The following ANKRD31 variants were observed in gnomAD, a reference collection of about 807,000 sequenced individuals.
ANKRD31 encodes the protein ankyrin repeat domain 31.
Under a neutral mutation model 186.0 loss-of-function variants are expected in ANKRD31, and 147 were observed. The ratio of observed to expected loss-of-function variants is 0.79; its 90% confidence interval spans 0.69 to 0.91. The LOEUF is 0.91. Ranked by LOEUF, ANKRD31 falls within the 40% of genes least tolerant of loss-of-function variation. The pLI, the probability that ANKRD31 is intolerant of heterozygous loss-of-function variation, is 0.00. For missense variants in ANKRD31, 1,986 were observed against 2,148.8 expected (o/e 0.92, Z 1.50); for synonymous variants, 673 against 736.4 (o/e 0.91, Z 1.39).
intron 25 of ANKRD31, among the ~76,000 whole-genome samples, chr5:75,070,917 A>C (rs1744177253): frequency 6.6e-6 from 1 of 152,176 alleles, no homozygotes; most frequent in South Asian, 2.1e-4. Flanking sequence ...ACATAGTGAG[A>C]TCTTGTCCCT....
chr5:75,195,608 G>A lies in ANKRD31; in HGVS notation c.1017+23C>T, dbSNP rs544953802. 2.7e-5 allele frequency: 40 copies of A among 1,484,674 alleles called. No homozygotes were observed. The African/African-American group carries it at 4.0e-4, about 15-fold the overall frequency. The allele number at this position is 1,484,674 out of a possible 1,614,324, so 92.0% of individuals were successfully genotyped here. ...GGAACCATGTTCAAATGGTGGAGTA[G>A]AACAAAGAAATTCAAAATTCACCTC... On this transcript the variant is annotated intron_variant, in intron 7 of 25. Coordinates refer to ENST00000506364, the MANE Select transcript of ANKRD31 (RefSeq NM_001372053.1).
At chr5:75,151,776 T>G (rs78300768) in intron 12 of ANKRD31, among the ~76,000 whole-genome samples, 1 of 152,184 alleles carries the variant, frequency 6.6e-6, no homozygotes, top group East Asian at 1.9e-4. Flanking sequence ...TTAACCAAGA[T>G]AGATATGTAA....
chr5:75,104,659 C>T lies in ANKRD31; in HGVS notation c.4900G>A (p.Val1634Ile). The change falls in exon 22 of 26, where the codon GTT becomes ATT. Residue 1634 changes from valine (V) to isoleucine (I), a missense_variant. Physicochemically the swap from Val to Ile is conservative, Grantham distance 29. Transcript: ENST00000506364. ...AATTTGCCGATTACTGGGGAAGAAA[C>T]ATAGAATTCATGGTCTTTGTCTGTA... Reference protein sequence around the residue: ...EATDKDHEFYVSSPVIGKLNI... With the variant: ...EATDKDHEFYISSPVIGKLNI... The T allele has an allele frequency of 6.5e-7, 1 of 1,535,916 alleles. No homozygotes were observed. Among genetic ancestry groups the T allele is most frequent in the Non-Finnish European group, 8.7e-7 (1 of 1,146,420 alleles).
At chr5:75,076,080 A>C (rs764574817) in intron 25 of ANKRD31, among the ~76,000 whole-genome samples, 7 of 152,110 alleles carry the variant, frequency 4.6e-5, no homozygotes, top group Non-Finnish European at 1.0e-4. Flanking sequence ...CTAATGAGAT[A>C]TTTTTACTCA....
Position 75,236,758 on chromosome 5 carries a change from G to A in ANKRD31, c.-72C>T. 8.7e-7 allele frequency: 1 copy of A among 1,155,692 alleles called. No individual in the cohort carries two copies. Among genetic ancestry groups the A allele is most frequent in the Non-Finnish European group, 1.2e-6 (1 of 823,988 alleles). 71.6% of individuals were successfully genotyped at this position (1,155,692 alleles called of 1,614,324 possible). ...TTGCCCGCAAACAAAAAAACGCTTT[G>A]AGGGCCAGGGGAAATTGTGAATTAA... On this transcript the variant is annotated 5_prime_UTR_variant, in exon 1 of 26. Transcript: ENST00000506364.
At chr5:75,128,916 T>G (rs1749490611) in intron 17 of ANKRD31, among the ~76,000 whole-genome samples, 1 of 152,146 alleles carries the variant, frequency 6.6e-6, no homozygotes, top group Non-Finnish European at 1.5e-5. Context: ...CCATATGATC[T>G]TGATAATTTG....
chr5:75,165,060 G>A (rs1161064077), intron 11 of ANKRD31, among the ~76,000 whole-genome samples: 1 of 152,110 alleles, frequency 6.6e-6, no homozygotes, highest in Admixed American at 6.5e-5. Flanking sequence ...ACATTTTATA[G>A]CTTTTACAAT....
At chr5:75,158,695 G>C (rs1752368239) in intron 11 of ANKRD31, among the ~76,000 whole-genome samples, 1 of 152,090 alleles carries the variant, frequency 6.6e-6, no homozygotes, top group Non-Finnish European at 1.5e-5. Context: ...AGGCAGCTAA[G>C]GCAGGAGGAT....
At position 75,193,466 on chromosome 5, in the gene ANKRD31, C is replaced by A. The variant is rs752067768; in HGVS notation, c.1143G>T (p.Ala381=). 22 of 1,537,204 alleles carry A rather than the reference C, an allele frequency of 1.4e-5. No individual in the cohort carries two copies. The South Asian group carries it at 2.1e-4, about 15-fold the overall frequency. ...GTCTGGATGATCTCCTCAACACACA[C>A]GCAGTTTCCTGATCAGAGCTATTTG... The part of the protein sequence containing the change: ...SVTNSSDQET[A]CVLRRSSRLE... Residue 381 remains alanine (A), a synonymous_variant, in exon 8 of 26, where the codon GCG becomes GCT. Transcript: ENST00000506364.
At chr5:75,093,007 G>T (rs969445835) in intron 22 of ANKRD31, among the ~76,000 whole-genome samples, 1 of 152,016 alleles carries the variant, frequency 6.6e-6, no homozygotes, top group African/African-American at 2.4e-5. Context: ...ATTTAAACTG[G>T]CAAGAGAAAG....
At chr5:75,221,029 G>A (rs1275505451) in intron 3 of ANKRD31, among the ~76,000 whole-genome samples, 1 of 152,176 alleles carries the variant, frequency 6.6e-6, no homozygotes, top group Non-Finnish European at 1.5e-5. Context: ...GCAGCAACAT[G>A]GATGGAACTG....
At chr5:75,078,347 T>A (rs1259076677) in intron 25 of ANKRD31, among the ~76,000 whole-genome samples, 1 of 152,104 alleles carries the variant, frequency 6.6e-6, no homozygotes, top group Non-Finnish European at 1.5e-5. Context: ...TGAAGAAAAC[T>A]CCATCATTAA....
Position 75,188,701 on chromosome 5 carries a change from G to A in ANKRD31, c.1409-53C>T. The A allele has an allele frequency of 1.4e-6, 2 of 1,422,832 alleles. 1 individual carries two copies. Among genetic ancestry groups the A allele is most frequent in the Non-Finnish European group, 1.9e-6 (2 of 1,063,768 alleles). 88.1% of individuals were successfully genotyped at this position (1,422,832 alleles called of 1,614,324 possible). A position where few individuals can be genotyped will look rare whatever the true frequency, so the allele number is the denominator to read the frequency against. ...AAAATCATTATTTGAATATCAGAAG[G>A]AATACGGATTACAAACCACATATTT... On this transcript the variant is annotated intron_variant, in intron 9 of 25. Coordinates refer to ENST00000506364, the MANE Select transcript of ANKRD31 (RefSeq NM_001372053.1).
At chr5:75,074,145 CG>C (rs1243880012) in intron 25 of ANKRD31, among the ~76,000 whole-genome samples, 2 of 152,088 alleles carry the variant, frequency 1.3e-5, no homozygotes, top group Non-Finnish European at 2.9e-5. Context: ...TAGCAGAAGG[CG>C]GCACTTCCAG....
chr5:75,130,259 C>T (rs1749664749), intron 17 of ANKRD31, among the ~76,000 whole-genome samples: 1 of 152,182 alleles, frequency 6.6e-6, no homozygotes, highest in Non-Finnish European at 1.5e-5. Context: ...AGACCTTCAC[C>T]ATGAGTGTTA....
Position 75,150,325 on chromosome 5 carries a change from C to A in ANKRD31, c.1853-1697G>T, listed in dbSNP as rs143119587. On this transcript the variant is annotated intron_variant, in intron 12 of 25. Transcript: ENST00000506364. ...AAATATATTTTATATGAGGAAAGTT[C>A]TTTATTCATCATTCCCATACTTGAA... Among the ~76,000 whole-genome samples the A allele has an allele frequency of 2.6e-3, 396 of 151,928 alleles. 2 individuals carry two copies. The highest frequency in any genetic ancestry group is 4.6e-3 in the Non-Finnish European group (314 of 67,870).
chr5:75,222,471 T>G, intron 2 of ANKRD31, 113 bp from the exon 3 acceptor site: 2 of 752,092 alleles, frequency 2.7e-6, no homozygotes, highest in South Asian at 3.9e-5. Context: ...TCTAGTATAT[T>G]ATTTCTTTTT....
Position 75,104,354 on chromosome 5 carries a change from T to C in ANKRD31, c.5205A>G (p.Gln1735=). Residue 1735 remains glutamine (Q), a synonymous_variant, in exon 22 of 26, where the codon CAA becomes CAG. Transcript: ENST00000506364. ...TTAAAGCCTTTTTTATTGTATCTTGTTGCCCAGATCCAGAGGAAGAGGAGA... is the reference window on the plus strand; with the variant it reads ...TTAAAGCCTTTTTTATTGTATCTTGCTGCCCAGATCCAGAGGAAGAGGAGA... The part of the protein sequence containing the change: ...SQISSSSGSG[Q]QDTIKKALNY... 1 of 1,537,236 alleles carries C rather than the reference T, an allele frequency of 6.5e-7. No homozygotes were observed. Among genetic ancestry groups the C allele is most frequent in the Non-Finnish European group, 8.7e-7 (1 of 1,146,880 alleles).
At chr5:75,210,712 C>T (rs1009847833) in intron 4 of ANKRD31, 116 bp downstream of exon 4, 4 of 681,314 alleles carry the variant, frequency 5.9e-6, no homozygotes, top group Non-Finnish European at 8.8e-6. Flanking sequence ...ACAAAATGGG[C>T]AATTATTCAA....
Sources: allele counts gnomAD v4.1 joint callset (sites outside exome capture counted in the v4.1 genomes callset), GRCh38; gene constraint gnomAD v4.1.1; transcripts MANE v1.5; gene names NCBI Gene and HGNC (gene_info 2026-07-23, HGNC 2026-07-21).